Variants in ERI1 observed in about 807,000 individuals in gnomAD.
ERI1 encodes the protein 3'-5' exoribonuclease 1.
In ERI1, 39 loss-of-function variants were observed where a neutral mutation model predicts 39.7. That is an observed-to-expected ratio of 0.98 (90% CI 0.76 to 1.28). The LOEUF is 1.28. ERI1 is among the 50% of genes most tolerant of loss of function. ERI1 has a pLI of 0.00. For synonymous variants in ERI1, 204 were observed against 149.6 expected (o/e 1.36, Z -2.65); for missense variants, 581 against 416.9 (o/e 1.39, Z -3.43).
intron 3 of ERI1, among the ~76,000 whole-genome samples, chr8:9,040,795 A>G (rs1420414335): frequency 1.3e-5 from 2 of 152,120 alleles, no homozygotes; most frequent in Non-Finnish European, 2.9e-5. Flanking sequence ...TAGCGCTGAC[A>G]AAACGAACTT....
rs754548854 is a variant in ERI1 at position 9,032,746 on chromosome 8, G to A, written c.*2712G>A. ...AAACAGAATAATTTGGAGACCAGGAGAAAAACTGGTATGATTACTGGGGAG... is the reference window on the plus strand; with the variant it reads ...AAACAGAATAATTTGGAGACCAGGAAAAAAACTGGTATGATTACTGGGGAG... On this transcript the variant is annotated 3_prime_UTR_variant, in exon 7 of 7. Coordinates refer to ENST00000250263, the MANE Select transcript of ERI1 (RefSeq NM_153332.4). 6.6e-6 allele frequency: 1 copy of A among 152,210 alleles called. No individual in the cohort carries two copies. The highest frequency in any genetic ancestry group is 1.5e-5 in the Non-Finnish European group (1 of 68,032). The allele number at this position is 152,210 out of a possible 1,614,324, so 9.4% of individuals were successfully genotyped here.
At chr8:9,083,542 A>G (rs1466319697) in intron 3 of ERI1, among the ~76,000 whole-genome samples, 1 of 152,150 alleles carries the variant, frequency 6.6e-6, no homozygotes, top group Non-Finnish European at 1.5e-5. Flanking sequence ...AGCCTTAGCA[A>G]TCATCAACTC....
chr8:9,099,703 A>G (rs1186831313), intron 3 of ERI1, among the ~76,000 whole-genome samples: 1 of 152,148 alleles, frequency 6.6e-6, no homozygotes, highest in Non-Finnish European at 1.5e-5. Context: ...TTACCACTGT[A>G]GAGCATTCCA....
At chr8:9,015,078 C>G (rs1817085563) in intron 3 of ERI1, among the ~76,000 whole-genome samples, 1 of 152,020 alleles carries the variant, frequency 6.6e-6, no homozygotes, top group Non-Finnish European at 1.5e-5. Context: ...CTCAAGTAAT[C>G]CACCCCCCTT....
At chr8:9,084,570 C>T (rs1287260712) in intron 3 of ERI1, among the ~76,000 whole-genome samples, 1 of 152,302 alleles carries the variant, frequency 6.6e-6, no homozygotes, top group African/African-American at 2.4e-5. Flanking sequence ...GTCAGACCTT[C>T]TTGCTGCAAG....
At chr8:9,023,682 C>T (rs559119773) in intron 6 of ERI1, among the ~76,000 whole-genome samples, 3 of 139,160 alleles carry the variant, frequency 2.2e-5, no homozygotes, top group Admixed American at 8.0e-5. Flanking sequence ...TTTTTTGTAC[C>T]TTATCTAAGA....
chr8:9,004,772 C>G (rs1815800190), intron 1 of ERI1, among the ~76,000 whole-genome samples: 1 of 80 alleles, frequency 0.013, no homozygotes, highest in African/African-American at 0.071. Context: ...CTGCAACCTC[C>G]CGCCTCCCGG....
intron 3 of ERI1, among the ~76,000 whole-genome samples, chr8:9,049,478 T>C (rs1445946002): frequency 6.6e-6 from 1 of 151,646 alleles, no homozygotes; most frequent in East Asian, 1.9e-4. Context: ...CGGGGAGTCC[T>C]GCAACTAGAC....
Position 9,030,118 on chromosome 8 carries a change from C to G in ERI1, c.*84C>G. 6.5e-7 allele frequency: 1 copy of G among 1,540,144 alleles called. No homozygotes were observed. Among genetic ancestry groups the G allele is most frequent in the African/African-American group, 1.4e-5 (1 of 73,516 alleles). On this transcript the variant is annotated 3_prime_UTR_variant, in exon 7 of 7. Transcript: ENST00000250263. ...ATCTCATTGAATTAGTCCTGTAGTG[C>G]AAACTTTAAGCACCTTAAAACATTT...
At chr8:9,006,765 C>T (rs530381418) in intron 1 of ERI1, among the ~76,000 whole-genome samples, 7 of 152,142 alleles carry the variant, frequency 4.6e-5, no homozygotes, top group Non-Finnish European at 7.3e-5. Context: ...CTGCTGACCT[C>T]TTCCTCAAAG....
chr8:9,063,711 T>C (rs1311457833), intron 3 of ERI1, among the ~76,000 whole-genome samples: 1 of 152,198 alleles, frequency 6.6e-6, no homozygotes, highest in African/African-American at 2.4e-5. Flanking sequence ...TCAGACCATT[T>C]GCCCATTTTA....
intron 3 of ERI1, among the ~76,000 whole-genome samples, chr8:9,061,741 C>T (rs868670781): frequency 6.6e-6 from 1 of 151,844 alleles, no homozygotes; most frequent in Non-Finnish European, 1.5e-5. Context: ...AGAATTATGC[C>T]GAGATAGGTA....
At chr8:9,071,058 G>A (rs1019766508) in intron 3 of ERI1, among the ~76,000 whole-genome samples, 2 of 152,142 alleles carry the variant, frequency 1.3e-5, no homozygotes, top group African/African-American at 4.8e-5. Context: ...TTGATTTCCA[G>A]TTTCCCAAAG....
intron 4 of ERI1, among the ~76,000 whole-genome samples, chr8:9,016,628 G>A (rs986395112): frequency 6.6e-5 from 10 of 151,302 alleles, no homozygotes; most frequent in East Asian, 1.9e-4. Flanking sequence ...GTGGTGAATC[G>A]AAAGATTTCG....
rs1392456826 is a variant in ERI1 at position 9,020,483 on chromosome 8, A to G, written c.807+19A>G. 1 of 1,407,652 alleles carries G rather than the reference A, an allele frequency of 7.1e-7. No homozygotes were observed. Among genetic ancestry groups the G allele is most frequent in the South Asian group, 1.2e-5 (1 of 80,490 alleles). 87.2% of individuals were successfully genotyped at this position (1,407,652 alleles called of 1,614,324 possible). On this transcript the variant is annotated intron_variant, in intron 6 of 6. Coordinates refer to ENST00000250263, the MANE Select transcript of ERI1 (RefSeq NM_153332.4). ...TTACAAGGTAAAATTTCTATATTTA[A>G]TAATTACGTGGTTCTTAATGATAAA...
chr8:9,075,376 CT>C (rs1799176895), intron 3 of ERI1, among the ~76,000 whole-genome samples: 1 of 152,064 alleles, frequency 6.6e-6, no homozygotes, highest in Admixed American at 6.6e-5. Context: ...GGTTTGGAGA[CT>C]GATGAGAGAT....
chr8:9,088,090 C>A (rs1031066667), intron 3 of ERI1, among the ~76,000 whole-genome samples: 19 of 152,068 alleles, frequency 1.2e-4, no homozygotes, highest in African/African-American at 4.4e-4. Flanking sequence ...GAAATCATTG[C>A]TGATTTCTGA....
At chr8:9,055,886 G>A (rs1452645338) in intron 3 of ERI1, among the ~76,000 whole-genome samples, 2 of 152,042 alleles carry the variant, frequency 1.3e-5, no homozygotes, top group African/African-American at 4.8e-5. Context: ...AAGGGGTTCT[G>A]GTTTCTATGA....
intron 3 of ERI1, among the ~76,000 whole-genome samples, chr8:9,041,892 G>A (rs1273262033): frequency 1.3e-5 from 2 of 152,054 alleles, no homozygotes; most frequent in South Asian, 2.1e-4. Context: ...GCACCACCAC[G>A]CCCAGCTGAT....
Sources: gnomAD v4.1 joint callset for allele counts (sites outside exome capture counted in the v4.1 genomes callset) on GRCh38, gnomAD v4.1.1 for gene constraint, MANE v1.5 for transcripts, NCBI Gene and HGNC (gene_info 2026-07-23, HGNC 2026-07-21) for gene names.